Variants in USP32 observed in about 807,000 individuals in gnomAD.
USP32 encodes the protein ubiquitin specific peptidase 32, also known as ubiquitin carboxyl-terminal hydrolase 32.
USP32 carries 59 observed loss-of-function variants against 204.8 expected under a neutral mutation model. The ratio of observed to expected loss-of-function variants is 0.29; its 90% CI spans 0.23 to 0.36. The LOEUF is 0.36. Ranked by LOEUF, USP32 falls within the 10% of genes least tolerant of loss-of-function variation. USP32 has a pLI of 1.00. For missense variants in USP32, 1,160 were observed against 1,946.4 expected, an observed-to-expected ratio of 0.60 and a Z score of 7.60; for synonymous variants, 517 against 678.4, an observed-to-expected ratio of 0.76 and a Z score of 3.70.
intron 1 of USP32, among the ~76,000 whole-genome samples, chr17:60,358,978 G>T (rs550048349): frequency 6.6e-6 from 1 of 152,330 alleles, no homozygotes; most frequent in African/African-American, 2.4e-5. Context: ...AGAAGGTAGA[G>T]ACACACGAGA....
intron 27 of USP32, among the ~76,000 whole-genome samples, chr17:60,198,056 A>G (rs1371659064): frequency 6.6e-6 from 1 of 152,210 alleles, no homozygotes; most frequent in Non-Finnish European, 1.5e-5. Flanking sequence ...ATTATTTGAC[A>G]CTAGAATGTT....
At chr17:60,264,252 GCTCATAC>G (rs1037631581) in intron 9 of USP32, among the ~76,000 whole-genome samples, 34 of 151,762 alleles carry the variant, frequency 2.2e-4, no homozygotes, top group African/African-American at 7.5e-4. Context: ...CAGCACAGTG[GCTCATAC>G]CTGTAATCCC....
chr17:60,370,781 A>G (rs1463297022), intron 1 of USP32, among the ~76,000 whole-genome samples: 82 of 151,562 alleles, frequency 5.4e-4, no homozygotes, highest in Middle Eastern at 3.4e-3. Flanking sequence ...AAAAAAAAAA[A>G]AAGAAGAAAA....
intron 1 of USP32, among the ~76,000 whole-genome samples, chr17:60,373,477 T>C (rs2146093754): frequency 6.6e-6 from 1 of 151,792 alleles, no homozygotes; most frequent in African/African-American, 2.4e-5. Context: ...CAAGTCTTGC[T>C]TTGACACCCA....
intron 11 of USP32, among the ~76,000 whole-genome samples, chr17:60,242,833 C>CAGA (rs1374505096): frequency 1.3e-5 from 2 of 152,230 alleles, no homozygotes; most frequent in South Asian, 4.1e-4. Context: ...TGTTTTTTGT[C>CAGA]ATTTTTTTGA....
At chr17:60,403,504 C>A (rs1008559450) in intron 1 of USP32, among the ~76,000 whole-genome samples, 12 of 152,206 alleles carry the variant, frequency 7.9e-5, no homozygotes, top group African/African-American at 2.6e-4. Context: ...ATGCATACAC[C>A]GTTTCTTCTA....
intron 2 of USP32, among the ~76,000 whole-genome samples, chr17:60,303,531 TAA>T (rs59794615): frequency 7.2e-6 from 1 of 139,134 alleles, no homozygotes. Context: ...CCCTAACCCC[TAA>T]AAAAAAAAAA....
At chr17:60,239,873 A>C (rs1306755340) in intron 11 of USP32, among the ~76,000 whole-genome samples, 1 of 152,182 alleles carries the variant, frequency 6.6e-6, no homozygotes, top group Non-Finnish European at 1.5e-5. Context: ...AGTTGGGATT[A>C]CAGGAGCCTG....
intron 11 of USP32, among the ~76,000 whole-genome samples, chr17:60,245,885 T>G (rs748517862): frequency 6.6e-6 from 1 of 151,384 alleles, no homozygotes; most frequent in Non-Finnish European, 1.5e-5. Context: ...TTTAAAAATA[T>G]TTCTATTAAA....
intron 26 of USP32, among the ~76,000 whole-genome samples, chr17:60,200,739 C>T (rs1168660066): frequency 1.3e-5 from 2 of 152,202 alleles, no homozygotes; most frequent in Non-Finnish European, 2.9e-5. Context: ...ACAGTAATCA[C>T]TTTCTTGCTT....
intron 1 of USP32, among the ~76,000 whole-genome samples, chr17:60,402,801 C>T (rs1301564271): frequency 6.6e-6 from 1 of 152,158 alleles, no homozygotes; most frequent in Non-Finnish European, 1.5e-5. Flanking sequence ...GCTGCAGTGG[C>T]CTGAAAGCTA....
rs568367201 is a variant in USP32, at chr17:60,182,917, T to G, written c.4123+248A>C. On this transcript the variant is annotated intron_variant, in intron 31 of 33. Transcript: ENST00000300896. ...ACCGTATATCAGGCACTGTGTGAAG[T>G]GCTTTACTCTCCATGTGTCACTCTC... Among the ~76,000 whole-genome samples the G allele has an allele frequency of 2.0e-5, 3 of 152,322 alleles. No homozygotes were observed. In the South Asian group the frequency reaches 6.2e-4, roughly 32 times the overall value.
intron 2 of USP32, among the ~76,000 whole-genome samples, chr17:60,344,128 A>T (rs1046169137): frequency 4.6e-4 from 60 of 131,172 alleles, no homozygotes; most frequent in East Asian, 1.1e-3. Flanking sequence ...TAAAATTCCT[A>T]TTTTTTTTTT....
At chr17:60,303,645 C>G (rs933903570) in intron 2 of USP32, among the ~76,000 whole-genome samples, 1 of 152,020 alleles carries the variant, frequency 6.6e-6, no homozygotes, top group Admixed American at 6.6e-5. Context: ...CTCAACTTCC[C>G]AAGCTGAAGG....
chr17:60,278,026 C>A (rs987264406), intron 5 of USP32, among the ~76,000 whole-genome samples: 1 of 150,220 alleles, frequency 6.7e-6, no homozygotes, highest in African/African-American at 2.5e-5. Flanking sequence ...CCCACCTCGG[C>A]CTCCACAGTA....
At chr17:60,200,747 C>T (rs1472580423) in intron 26 of USP32, among the ~76,000 whole-genome samples, 1 of 152,178 alleles carries the variant, frequency 6.6e-6, no homozygotes, top group Admixed American at 6.6e-5. Context: ...CACTTTCTTG[C>T]TTTTCTTTAC....
At chr17:60,314,750 T>C (rs1219702020) in intron 2 of USP32, among the ~76,000 whole-genome samples, 1 of 152,086 alleles carries the variant, frequency 6.6e-6, no homozygotes, top group Non-Finnish European at 1.5e-5. Flanking sequence ...AAGAAACTCA[T>C]ATGTAAGATA....
At chr17:60,223,279 AAAGAGAT>A in intron 14 of USP32, 125 bp downstream of exon 14, 1 of 722,702 alleles carries the variant, frequency 1.4e-6, no homozygotes. Flanking sequence ...TGTACTATAC[AAAGAGAT>A]GTCCATCTAT....
chr17:60,250,331 G>C (rs1165843714), intron 11 of USP32, among the ~76,000 whole-genome samples: 1 of 151,924 alleles, frequency 6.6e-6, no homozygotes, highest in Non-Finnish European at 1.5e-5. Context: ...CTTATTTTTT[G>C]AAATAGGGAT....
Sources: gnomAD v4.1 joint callset for allele counts (sites outside exome capture counted in the v4.1 genomes callset) on GRCh38, gnomAD v4.1.1 for gene constraint, MANE v1.5 for transcripts, NCBI Gene and HGNC (gene_info 2026-07-23, HGNC 2026-07-21) for gene names.